LRP1B: variants seen among roughly 807,000 people sequenced by gnomAD.
LRP1B encodes LDL receptor related protein 1B, also known as low-density lipoprotein receptor-related protein 1B.
A neutral mutation model predicts 556.6 loss-of-function variants in LRP1B; 217 were observed. The observed-to-expected ratio is 0.39, with a 90% CI of 0.35 to 0.44. LRP1B has a LOEUF of 0.44. Ranked by LOEUF, LRP1B falls within the 20% of genes least tolerant of loss-of-function variation. The pLI is 1.00. For synonymous variants in LRP1B, 2,047 were observed against 1,865.8 expected (o/e 1.10, Z -2.50); for missense variants, 5,053 against 5,620.8 (o/e 0.90, Z 3.23).
At chr2:140,721,071 C>T (rs887969203) in intron 35 of LRP1B, among the ~76,000 whole-genome samples, 3 of 152,014 alleles carry the variant, frequency 2.0e-5, no homozygotes, top group African/African-American at 7.2e-5. Flanking sequence ...AAAAGTACAT[C>T]TATGTATTTA....
chr2:141,939,076 G>A (rs574762437), intron 1 of LRP1B, among the ~76,000 whole-genome samples: 1 of 152,116 alleles, frequency 6.6e-6, no homozygotes, highest in East Asian at 1.9e-4. Context: ...TCAATGTACA[G>A]CCTGATCATT....
intron 86 of LRP1B, among the ~76,000 whole-genome samples, chr2:140,255,783 A>C (rs980060103): frequency 1.3e-5 from 2 of 152,336 alleles, no homozygotes; most frequent in Non-Finnish European, 2.9e-5. Context: ...ATCATTCATA[A>C]GAACATGCTT....
chr2:142,053,967 A>G (rs1241930855), intron 1 of LRP1B, among the ~76,000 whole-genome samples: 1 of 152,120 alleles, frequency 6.6e-6, no homozygotes, highest in Admixed American at 6.6e-5. Context: ...AACCCAAGGA[A>G]ACAATATTTG....
At chr2:140,475,059 A>G in intron 60 of LRP1B, 79 bp downstream of exon 60, 1 of 556,636 alleles carries the variant, frequency 1.8e-6, no homozygotes, top group African/African-American at 2.0e-5. Context: ...GAGAGAAAGC[A>G]TATAAAATAA....
intron 41 of LRP1B, among the ~76,000 whole-genome samples, chr2:140,642,334 C>T (rs957781941): frequency 6.6e-6 from 1 of 152,184 alleles, no homozygotes; most frequent in Admixed American, 6.5e-5. Context: ...CAGAAAACTT[C>T]GAGTGCGTCT....
At chr2:141,286,290 C>T (rs1208209164) in intron 3 of LRP1B, among the ~76,000 whole-genome samples, 2 of 152,096 alleles carry the variant, frequency 1.3e-5, no homozygotes, top group East Asian at 1.9e-4. Context: ...GTCAACCTTG[C>T]TTTCCTAAGC....
intron 1 of LRP1B, among the ~76,000 whole-genome samples, chr2:142,096,712 C>T (rs1706383232): frequency 6.6e-6 from 1 of 151,562 alleles, no homozygotes; most frequent in Non-Finnish European, 1.5e-5. Context: ...ATGTAAACTT[C>T]TATTTTATTT....
At chr2:142,130,166 C>G (rs1707801744) in intron 1 of LRP1B, among the ~76,000 whole-genome samples, 1 of 152,200 alleles carries the variant, frequency 6.6e-6, no homozygotes, top group Admixed American at 6.5e-5. Context: ...CGAAAGGGGC[C>G]TGAATCGGCG....
At chr2:140,264,740 GTA>G (rs1219323959) in intron 86 of LRP1B, among the ~76,000 whole-genome samples, 35 of 117,136 alleles carry the variant, frequency 3.0e-4, no homozygotes, top group African/African-American at 7.4e-4. Flanking sequence ...GTGTGTGTGT[GTA>G]TATAATTTTC....
chr2:141,560,985 A>C (rs1686128155), intron 2 of LRP1B, among the ~76,000 whole-genome samples: 1 of 151,756 alleles, frequency 6.6e-6, no homozygotes, highest in African/African-American at 2.4e-5. Flanking sequence ...TAAGACTCCC[A>C]GAAAAAGGTG....
At chr2:140,592,866 G>C (rs943041496) in intron 43 of LRP1B, among the ~76,000 whole-genome samples, 7 of 151,830 alleles carry the variant, frequency 4.6e-5, no homozygotes, top group African/African-American at 1.7e-4. Context: ...TTTGAGCCCA[G>C]GGTTAGAGGG....
chr2:141,141,948 A>G (rs1050902755), intron 7 of LRP1B, among the ~76,000 whole-genome samples: 1 of 152,152 alleles, frequency 6.6e-6, no homozygotes, highest in Non-Finnish European at 1.5e-5. Context: ...GAATATATCA[A>G]CAAAAAGGCT....
chr2:141,526,412 T>C (rs1196338250), intron 2 of LRP1B, among the ~76,000 whole-genome samples: 7 of 152,060 alleles, frequency 4.6e-5, no homozygotes, highest in Non-Finnish European at 1.0e-4. Context: ...GGAAACTTTT[T>C]CAAATTCTTG....
chr2:141,150,906 T>TGTGTGTGTGC (rs1412880875), intron 7 of LRP1B, among the ~76,000 whole-genome samples: 1 of 148,982 alleles, frequency 6.7e-6, no homozygotes, highest in Non-Finnish European at 1.5e-5. Flanking sequence ...TGTGTGTGTG[T>TGTGTGTGTGC]GTGTGTGTTT....
At chr2:140,526,847 TAGAG>T (rs1267062560) in intron 47 of LRP1B, among the ~76,000 whole-genome samples, 1 of 151,734 alleles carries the variant, frequency 6.6e-6, no homozygotes, top group Non-Finnish European at 1.5e-5. Context: ...CCTGCTATAA[TAGAG>T]AGAGACAGAG....
chr2:140,828,273 A>G (rs935026815), intron 31 of LRP1B, among the ~76,000 whole-genome samples: 1 of 152,210 alleles, frequency 6.6e-6, no homozygotes, highest in African/African-American at 2.4e-5. Flanking sequence ...TTACTTATCA[A>G]AAATAACATT....
chr2:141,171,322 G>A (rs1175142853), intron 7 of LRP1B, among the ~76,000 whole-genome samples: 2 of 152,020 alleles, frequency 1.3e-5, no homozygotes, highest in African/African-American at 4.8e-5. Flanking sequence ...AAAATTCTCA[G>A]TACTCCACCT....
At chr2:141,176,713 C>A (rs1680753553) in intron 7 of LRP1B, among the ~76,000 whole-genome samples, 2 of 150,080 alleles carry the variant, frequency 1.3e-5, no homozygotes, top group Non-Finnish European at 3.0e-5. Flanking sequence ...TCCTAAGTAT[C>A]TCAAGAGAAA....
intron 1 of LRP1B, among the ~76,000 whole-genome samples, chr2:141,836,749 A>G (rs1422255694): frequency 1.8e-4 from 27 of 152,140 alleles, no homozygotes; most frequent in East Asian, 1.9e-4. Flanking sequence ...ATCAAAATAC[A>G]TCTTGTTAGA....
Sources: gnomAD v4.1 joint callset for allele counts (sites outside exome capture counted in the v4.1 genomes callset) on GRCh38, gnomAD v4.1.1 for gene constraint, MANE v1.5 for transcripts, NCBI Gene and HGNC (gene_info 2026-07-23, HGNC 2026-07-21) for gene names.